The following KMT2C variants were observed in gnomAD, a reference collection of about 807,000 sequenced individuals.
KMT2C encodes histone-lysine N-methyltransferase 2C.
KMT2C carries 88 observed loss-of-function variants against 507.9 expected under a neutral mutation model. The ratio of observed to expected loss-of-function variants is 0.17; its 90% confidence interval spans 0.15 to 0.21. KMT2C has a LOEUF of 0.21. Ranked by LOEUF, KMT2C falls within the 10% of genes least tolerant of loss-of-function variation. The pLI is 1.00. For missense variants in KMT2C, 4,954 were observed against 5,957.8 expected, an observed-to-expected ratio of 0.83 and a Z score of 5.55; for synonymous variants, 2,049 against 2,080.8, an observed-to-expected ratio of 0.98 and a Z score of 0.42.
intron 1 of KMT2C, among the ~76,000 whole-genome samples, chr7:152,392,988 T>G (rs2097511793): frequency 6.6e-6 from 1 of 152,134 alleles, no homozygotes; most frequent in Non-Finnish European, 1.5e-5. Context: ...CCAGCTACTC[T>G]GGAGGCTGAG....
intron 43 of KMT2C, among the ~76,000 whole-genome samples, chr7:152,161,336 TAAA>T (rs1469087907): frequency 3.9e-5 from 6 of 152,166 alleles, no homozygotes; most frequent in Non-Finnish European, 8.8e-5. Flanking sequence ...AACCCTTAAT[TAAA>T]ATATGAAAAT....
intron 6 of KMT2C, among the ~76,000 whole-genome samples, chr7:152,290,218 ATATGTGTG>A (rs1157608440): frequency 1.4e-4 from 15 of 108,742 alleles, no homozygotes; most frequent in East Asian, 1.0e-3. Context: ...TTTTATATAT[ATATGTGTG>A]TGTGTGTGTG....
At chr7:152,364,639 A>G (rs1221844186) in intron 1 of KMT2C, among the ~76,000 whole-genome samples, 1 of 151,524 alleles carries the variant, frequency 6.6e-6, no homozygotes, top group African/African-American at 2.4e-5. Context: ...AAAAAGAAAA[A>G]AATGCAAATT....
intron 37 of KMT2C, among the ~76,000 whole-genome samples, chr7:152,178,888 G>C (rs1189083793): frequency 1.3e-5 from 2 of 152,154 alleles, no homozygotes; most frequent in Non-Finnish European, 2.9e-5. Flanking sequence ...TTTGAAAAAG[G>C]AAACATTCTT....
intron 2 of KMT2C, 71 bp from the exon 3 acceptor site, chr7:152,330,810 T>TA (rs1281636630): frequency 3.6e-6 from 5 of 1,371,592 alleles, no homozygotes; most frequent in Non-Finnish European, 5.1e-6. Context: ...TGAATGTATC[T>TA]ATAAAGCATA....
chr7:152,318,476 A>G (rs879595037), intron 3 of KMT2C, among the ~76,000 whole-genome samples: 10 of 150,314 alleles, frequency 6.7e-5, no homozygotes, highest in Non-Finnish European at 1.3e-4. Context: ...ATACAAAAAA[A>G]TTAGCCAGGC....
At chr7:152,409,869 CA>C in intron 1 of KMT2C, among the ~76,000 whole-genome samples, 2 of 152,096 alleles carry the variant, frequency 1.3e-5, no homozygotes, top group Middle Eastern at 6.8e-3. Context: ...CTCAAACTTG[CA>C]ATGCTATACC....
chr7:152,309,057 T>A (rs1004799171), intron 6 of KMT2C, among the ~76,000 whole-genome samples: 17 of 152,296 alleles, frequency 1.1e-4, no homozygotes, highest in African/African-American at 2.6e-4. Flanking sequence ...AAAATTTTTT[T>A]AATCACTTTT....
At chr7:152,298,668 G>A (rs2096537438) in intron 6 of KMT2C, among the ~76,000 whole-genome samples, 1 of 152,180 alleles carries the variant, frequency 6.6e-6, no homozygotes, top group African/African-American at 2.4e-5. Flanking sequence ...ACAAAATGAT[G>A]TCAGATGAAA....
intron 1 of KMT2C, among the ~76,000 whole-genome samples, chr7:152,390,588 C>T (rs1446598601): frequency 2.6e-5 from 4 of 152,190 alleles, no homozygotes; most frequent in African/African-American, 9.6e-5. Flanking sequence ...CATTACAACC[C>T]ATCACAATAG....
intron 23 of KMT2C, among the ~76,000 whole-genome samples, chr7:152,217,786 C>T (rs994230048): frequency 2.0e-5 from 3 of 152,104 alleles, no homozygotes; most frequent in African/African-American, 7.2e-5. Flanking sequence ...CAAGGAAAAC[C>T]TTCCAAGGTC....
intron 18 of KMT2C, among the ~76,000 whole-genome samples, chr7:152,225,048 T>C (rs922485314): frequency 6.6e-6 from 1 of 152,176 alleles, no homozygotes; most frequent in Non-Finnish European, 1.5e-5. Context: ...CATGAGTTCT[T>C]AGGGACATTT....
intron 1 of KMT2C, among the ~76,000 whole-genome samples, chr7:152,412,257 C>T (rs529754660): frequency 1.6e-4 from 24 of 152,282 alleles, no homozygotes; most frequent in Admixed American, 5.9e-4. Flanking sequence ...AAAAATTAGC[C>T]GGGCATCGTG....
chr7:152,330,782 GTTTAT>G (rs772326110), intron 2 of KMT2C, 43 bp from the exon 3 acceptor site: 1 of 1,581,272 alleles, frequency 6.3e-7, no homozygotes, highest in Non-Finnish European at 8.7e-7. Flanking sequence ...TCATTTTTGT[GTTTAT>G]TTTAATCACT....
At chr7:152,246,080 C>T (rs1212200139) in intron 14 of KMT2C, among the ~76,000 whole-genome samples, 2 of 152,112 alleles carry the variant, frequency 1.3e-5, no homozygotes, top group Admixed American at 6.5e-5. Context: ...TACGGATATA[C>T]ACATTCCTGC....
chr7:152,187,957 C>T, intron 31 of KMT2C, 110 bp from the exon 32 acceptor site: 1 of 1,016,302 alleles, frequency 9.8e-7, no homozygotes, highest in South Asian at 1.7e-5. Flanking sequence ...TCCACATAAA[C>T]ACACATTTTT....
chr7:152,384,575 C>T (rs866769485), intron 1 of KMT2C, among the ~76,000 whole-genome samples: 91 of 144,898 alleles, frequency 6.3e-4, no homozygotes, highest in East Asian at 8.2e-4. Context: ...ACCACCACCA[C>T]CACCACCACC....
chr7:152,240,460 T>C (rs1299579175), intron 14 of KMT2C, among the ~76,000 whole-genome samples: 2 of 152,280 alleles, frequency 1.3e-5, no homozygotes, highest in African/African-American at 2.4e-5. Flanking sequence ...GGCTTGAGCC[T>C]AGATCCTAAA....
intron 1 of KMT2C, among the ~76,000 whole-genome samples, chr7:152,385,010 T>C (rs111894091): frequency 6.6e-6 from 1 of 152,056 alleles, no homozygotes; most frequent in Non-Finnish European, 1.5e-5. Context: ...GAGACAACCA[T>C]ATTTTGTGCC....
Sources: allele counts gnomAD v4.1 joint callset (sites outside exome capture counted in the v4.1 genomes callset), GRCh38; gene constraint gnomAD v4.1.1; transcripts MANE v1.5; gene names NCBI Gene and HGNC (gene_info 2026-07-23, HGNC 2026-07-21).